TCF3: variants seen among roughly 807,000 people sequenced by gnomAD.
The protein encoded by TCF3 is transcription factor E2-alpha.
A neutral mutation model predicts 72.3 loss-of-function variants in TCF3; 54 were observed. The ratio of observed to expected loss-of-function variants is 0.75; its 90% CI spans 0.60 to 0.94. The LOEUF (loss-of-function observed/expected upper bound fraction) is 0.94. Among genes scored for constraint, TCF3 ranks in the 40% least tolerant of loss-of-function variants. The pLI, the probability that TCF3 is intolerant of heterozygous loss-of-function variation, is 0.00. For missense variants in TCF3, 1,078 were observed against 934.4 expected (o/e 1.15, Z -2.00); for synonymous variants, 525 against 412.6 (o/e 1.27, Z -3.30).
intron 5 of TCF3, among the ~76,000 whole-genome samples, chr19:1,630,175 G>A (rs1014814665): frequency 2.6e-5 from 4 of 152,158 alleles, no homozygotes; most frequent in African/African-American, 7.2e-5. Flanking sequence ...TGGGGCCATC[G>A]GGGGTATGAG....
chr19:1,633,355 A>G (rs1428634966), intron 3 of TCF3, among the ~76,000 whole-genome samples: 1 of 151,572 alleles, frequency 6.6e-6, no homozygotes, highest in Admixed American at 6.6e-5. Context: ...TCCATGTCCA[A>G]CTCCCAAGTC....
At chr19:1,639,007 G>C (rs1037777654) in intron 3 of TCF3, among the ~76,000 whole-genome samples, 4 of 152,184 alleles carry the variant, frequency 2.6e-5, no homozygotes, top group Non-Finnish European at 5.9e-5. Flanking sequence ...CCAACAAAAA[G>C]GAAGGGTTGC....
rs1599374691 is a variant in TCF3 at position 1,609,736 on chromosome 19, G to A, written c.*1971C>T. 1 of 229,478 alleles carries A rather than the reference G, an allele frequency of 4.4e-6. No homozygotes were observed. Among genetic ancestry groups the A allele is most frequent in the East Asian group, 6.2e-5 (1 of 16,106 alleles). 14.2% of individuals were successfully genotyped at this position (229,478 alleles called of 1,614,324 possible). A position where few individuals can be genotyped will look rare whatever the true frequency, so the allele number is the denominator to read the frequency against. On this transcript the variant is annotated 3_prime_UTR_variant, in exon 19 of 19. Transcript: ENST00000262965. ...CTCCCCTCCGCCTGGCCTGGACTGG[G>A]GGCAGATACCAGGCATTGAGCTGGC...
At chr19:1,646,466 G>T in intron 2 of TCF3, 39 bp from the exon 3 acceptor site, 1 of 1,533,486 alleles carries the variant, frequency 6.5e-7, no homozygotes, top group Non-Finnish European at 8.8e-7. Flanking sequence ...GGGGCGGGTG[G>T]CAAACCAAAC....
At position 1,622,785 on chromosome 19, in the gene TCF3, C is replaced by T. The variant is rs2240591; in HGVS notation, c.550-370G>A. Among the ~76,000 whole-genome samples, 5,053 of 152,212 alleles carry T rather than the reference C, an allele frequency of 0.033. 468 individuals carry two copies. The East Asian group carries it at 0.38, about 11-fold the overall frequency. On this transcript the variant is annotated intron_variant, in intron 8 of 18. Coordinates refer to ENST00000262965, the MANE Select transcript of TCF3 (RefSeq NM_003200.5). ...CCATCCCATCCTTCTCCCTTGTTCC[C>T]CAGCTGGAATCAATCTTCCAGTGCT... is the stretch of plus-strand genomic sequence containing the variant.
At chr19:1,647,218 G>A (rs2066258678) in intron 2 of TCF3, among the ~76,000 whole-genome samples, 1 of 151,866 alleles carries the variant, frequency 6.6e-6, no homozygotes, top group Non-Finnish European at 1.5e-5. Context: ...AACGGGCTCA[G>A]CGGCATTAAC....
intron 13 of TCF3, among the ~76,000 whole-genome samples, chr19:1,620,365 C>A (rs2062037648): frequency 6.6e-6 from 1 of 152,176 alleles, no homozygotes; most frequent in Admixed American, 6.5e-5. Context: ...GCCCCCGACC[C>A]CCTGCGGATA....
At chr19:1,630,473 G>A (rs562291402) in intron 5 of TCF3, among the ~76,000 whole-genome samples, 22 of 152,292 alleles carry the variant, frequency 1.4e-4, no homozygotes, top group African/African-American at 5.1e-4. Context: ...TGCCCCTCAG[G>A]GTCCAGGGAA....
chr19:1,642,215 C>T (rs1313161630), intron 3 of TCF3, among the ~76,000 whole-genome samples: 2 of 151,556 alleles, frequency 1.3e-5, no homozygotes, highest in East Asian at 1.9e-4. Context: ...CGCACACACG[C>T]GCAGACGCAC....
rs865796492 is a variant in TCF3 at position 1,652,507 on chromosome 19, G to C, written c.-247C>G. 7 of 144,832 alleles carry C rather than the reference G, an allele frequency of 4.8e-5. No homozygotes were observed. Among genetic ancestry groups the C allele is most frequent in the Non-Finnish European group, 6.1e-5 (4 of 65,170 alleles). 9.0% of individuals were successfully genotyped at this position (144,832 alleles called of 1,614,324 possible). ...GCGCGGCCGGCCGGGGCGCCCCTGGGGCAGCGGCGTGCGCGGTGCCCGCGG... is the reference window on the plus strand; with the variant it reads ...GCGCGGCCGGCCGGGGCGCCCCTGGCGCAGCGGCGTGCGCGGTGCCCGCGG... On this transcript the variant is annotated 5_prime_UTR_variant, in exon 1 of 19. Coordinates refer to ENST00000262965, the MANE Select transcript of TCF3 (RefSeq NM_003200.5).
chr19:1,629,453 G>C (rs112806387), intron 5 of TCF3, among the ~76,000 whole-genome samples: 1 of 152,052 alleles, frequency 6.6e-6, no homozygotes, highest in South Asian at 2.1e-4. Flanking sequence ...GTGAGGCCTC[G>C]GGGCTACGGA....
In TCF3 at chr19:1,620,979, T is replaced by C; in HGVS notation, c.1082A>G (p.Gln361Arg). ...AAACCCTCACAGACCTGCCAGGCCCTGGGGGGAGCCCACGGGGGTAGAAGG... is the reference window on the plus strand; with the variant it reads ...AAACCCTCACAGACCTGCCAGGCCCCGGGGGGAGCCCACGGGGGTAGAAGG... ...SSPSTPVGSPQGLAGTSQWPR... is the reference protein window; with the variant it reads ...SSPSTPVGSPRGLAGTSQWPR... The change falls in exon 13 of 19, where the codon CAG becomes CGG. Residue 361 changes from glutamine to arginine, a missense_variant. Gln to Arg is a conservative substitution (Grantham distance 43). Coordinates refer to ENST00000262965, the MANE Select transcript of TCF3 (RefSeq NM_003200.5). 6.7e-7 allele frequency: 1 copy of C among 1,499,484 alleles called. No homozygotes were observed. Among genetic ancestry groups the C allele is most frequent in the South Asian group, 1.3e-5 (1 of 75,722 alleles). 92.9% of individuals were successfully genotyped at this position (1,499,484 alleles called of 1,614,324 possible). A position where few individuals can be genotyped will look rare whatever the true frequency, so the allele number is the denominator to read the frequency against.
intron 3 of TCF3, among the ~76,000 whole-genome samples, chr19:1,641,160 C>T (rs2065181432): frequency 1.6e-5 from 1 of 63,368 alleles, no homozygotes; most frequent in African/African-American, 1.3e-4. Context: ...AAAACTCGGT[C>T]TCAAAAAAAA....
intron 7 of TCF3, among the ~76,000 whole-genome samples, chr19:1,624,838 G>A (rs534659125): frequency 1.4e-4 from 21 of 152,246 alleles, no homozygotes; most frequent in South Asian, 1.2e-3. Context: ...TGTGCTTTTT[G>A]TGGGTGATTT....
intron 16 of TCF3, among the ~76,000 whole-genome samples, chr19:1,617,395 G>C (rs1039172000): frequency 6.6e-6 from 1 of 152,248 alleles, no homozygotes; most frequent in Non-Finnish European, 1.5e-5. Flanking sequence ...ACGCTAGTGG[G>C]ACGCCGTGTT....
At chr19:1,636,551 G>C (rs1040485735) in intron 3 of TCF3, among the ~76,000 whole-genome samples, 11 of 152,146 alleles carry the variant, frequency 7.2e-5, no homozygotes, top group Admixed American at 6.5e-4. Context: ...CTCCCACCTT[G>C]TATTTCCCAA....
intron 3 of TCF3, among the ~76,000 whole-genome samples, chr19:1,644,944 C>G (rs1430310708): frequency 6.6e-6 from 1 of 152,132 alleles, no homozygotes; most frequent in African/African-American, 2.4e-5. Flanking sequence ...GAAGCATTAG[C>G]ATGTCCGGTT....
In TCF3 at chr19:1,622,432, G is replaced by A. The variant is rs751910386; in HGVS notation, c.550-17C>T. On this transcript the variant is annotated splice_polypyrimidine_tract_variant and intron_variant, in intron 8 of 18. Coordinates refer to ENST00000262965, the MANE Select transcript of TCF3 (RefSeq NM_003200.5). ...TGGGTACACCTGCGGGCGGGTGGGCGGTGGGGGGTGCAGTCAGGACGGAGG... is the reference window on the plus strand; with the variant it reads ...TGGGTACACCTGCGGGCGGGTGGGCAGTGGGGGGTGCAGTCAGGACGGAGG... 1.9e-5 allele frequency: 25 copies of A among 1,304,836 alleles called. 1 individual carries two copies. The highest frequency in any genetic ancestry group is 2.5e-5 in the East Asian group (1 of 39,438). The allele number at this position is 1,304,836 out of a possible 1,614,324, so 80.8% of individuals were successfully genotyped here.
rs2061901153 is a variant in TCF3, at chr19:1,619,360, C to T, written c.1282G>A (p.Gly428Ser). 1 of 1,586,800 alleles carries T rather than the reference C, an allele frequency of 6.3e-7. No homozygotes were observed. The highest frequency in any genetic ancestry group is 1.3e-5 in the African/African-American group (1 of 74,646). ...LLPGHGALAS[G>S]FTGPMSLGGR... is the part of the protein sequence containing the mutation. ...CCCAGTGACATGGGGCCGGTGAAAC[C>T]TGAGGCCAGCGCCCCGTGGCCAGGC... Residue 428 changes from glycine (G) to serine (S), a missense_variant, in exon 15 of 19, where the codon GGT becomes AGT. Coordinates refer to ENST00000262965, the MANE Select transcript of TCF3 (RefSeq NM_003200.5).
Sources: gnomAD v4.1 joint callset for allele counts (sites outside exome capture counted in the v4.1 genomes callset) on GRCh38, gnomAD v4.1.1 for gene constraint, MANE v1.5 for transcripts, NCBI Gene and HGNC (gene_info 2026-07-23, HGNC 2026-07-21) for gene names.